DGKG: variants seen among roughly 807,000 people sequenced by gnomAD.
DGKG encodes the protein DAG kinase gamma.
A neutral mutation model predicts 105.3 loss-of-function variants in DGKG; 78 were observed. The ratio of observed to expected loss-of-function variants is 0.74; its 90% CI spans 0.62 to 0.89. The LOEUF (loss-of-function observed/expected upper bound fraction) is 0.89. Ranked by LOEUF, DGKG falls within the 40% of genes least tolerant of loss-of-function variation. The pLI is 0.00. For synonymous variants in DGKG, 346 were observed against 367.1 expected, an observed-to-expected ratio of 0.94 and a Z score of 0.66; for missense variants, 958 against 1,020.1, an observed-to-expected ratio of 0.94 and a Z score of 0.83.
intron 2 of DGKG, among the ~76,000 whole-genome samples, chr3:186,311,062 G>T (rs1724518299): frequency 6.6e-6 from 1 of 152,222 alleles, no homozygotes; most frequent in Non-Finnish European, 1.5e-5. Context: ...CTTCCTCTAT[G>T]AAAGTGGCTC....
chr3:186,225,529 T>G lies in DGKG; in HGVS notation c.1827-13644A>C, dbSNP rs377246070. On this transcript the variant is annotated intron_variant, in intron 20 of 24. Transcript: ENST00000265022. The stretch of plus-strand genomic sequence containing the variant: ...TGTGTTTATTTGGCTTGCATGGTGG[T>G]GTTTAAAATTGGAAAATTTTACATA... Among the ~76,000 whole-genome samples, 129 of 152,304 alleles carry G rather than the reference T, an allele frequency of 8.5e-4. 3 individuals carry two copies. The South Asian group carries it at 0.026, about 30-fold the overall frequency.
chr3:186,185,454 G>A (rs1169404984), intron 22 of DGKG, among the ~76,000 whole-genome samples: 1 of 152,160 alleles, frequency 6.6e-6, no homozygotes, highest in East Asian at 1.9e-4. Flanking sequence ...AAGATGTAAG[G>A]TCAGACATGT....
At position 186,271,548 on chromosome 3, in the gene DGKG, C is replaced by T. The variant is rs370576876; in HGVS notation, c.999+707G>A. Among the ~76,000 whole-genome samples the T allele has an allele frequency of 1.3e-4, 20 of 152,188 alleles. No homozygotes were observed. In the East Asian group the frequency reaches 2.3e-3, roughly 18 times the overall value. On this transcript the variant is annotated intron_variant, in intron 11 of 24. Coordinates refer to ENST00000265022, the MANE Select transcript of DGKG (RefSeq NM_001346.3). Reference sequence around the variant, plus strand: ...TTTCCCTCCCCTGATTTCTCTCCCACATCACACTCAGAGCTATTAACCTAA... The same window carrying T: ...TTTCCCTCCCCTGATTTCTCTCCCATATCACACTCAGAGCTATTAACCTAA...
intron 22 of DGKG, among the ~76,000 whole-genome samples, chr3:186,168,985 T>G (rs1344541582): frequency 6.6e-6 from 1 of 152,236 alleles, no homozygotes; most frequent in Non-Finnish European, 1.5e-5. Context: ...TCCTTGCTGC[T>G]TGATCCATTA....
At chr3:186,246,356 A>G (rs1353162554) in intron 19 of DGKG, among the ~76,000 whole-genome samples, 1 of 152,238 alleles carries the variant, frequency 6.6e-6, no homozygotes, top group Non-Finnish European at 1.5e-5. Context: ...TTATTGAGAC[A>G]TTAATTTTTT....
At chr3:186,229,985 C>T (rs569562591) in intron 20 of DGKG, among the ~76,000 whole-genome samples, 48 of 152,230 alleles carry the variant, frequency 3.2e-4, no homozygotes, top group Middle Eastern at 6.8e-3. Context: ...ATGGGCTGGG[C>T]GCGGTGGCTC....
intron 11 of DGKG, among the ~76,000 whole-genome samples, chr3:186,269,189 A>C (rs1722200795): frequency 6.6e-6 from 1 of 152,264 alleles, no homozygotes; most frequent in Non-Finnish European, 1.5e-5. Context: ...GCCTCTGAGC[A>C]GCATCTTGTC....
At chr3:186,261,909 C>T in intron 14 of DGKG, 131 bp from the exon 15 acceptor site, 2 of 613,246 alleles carry the variant, frequency 3.3e-6, no homozygotes, top group Non-Finnish European at 5.7e-6. Context: ...TGTTTTTCCA[C>T]TGGCTGAATT....
chr3:186,342,379 T>C (rs1046321728), intron 1 of DGKG, among the ~76,000 whole-genome samples: 2 of 152,158 alleles, frequency 1.3e-5, no homozygotes, highest in Non-Finnish European at 2.9e-5. Context: ...TTAGCCACTG[T>C]TATTCTGTCA....
chr3:186,255,974 T>C (rs929481462), intron 17 of DGKG, among the ~76,000 whole-genome samples: 1 of 152,232 alleles, frequency 6.6e-6, no homozygotes, highest in Admixed American at 6.5e-5. Flanking sequence ...TCTTTCTGTT[T>C]TGAGCAGCTT....
rs62289056 is a variant in DGKG at position 186,306,953 on chromosome 3, G to A, written c.92C>T (p.Ala31Val). 6 of 1,612,454 alleles carry A rather than the reference G, an allele frequency of 3.7e-6. No homozygotes were observed. The Admixed American group carries it at 5.0e-5, about 13-fold the overall frequency. The change falls in exon 3 of 25, where the codon GCC becomes GTC. Residue 31 changes from alanine (A) to valine (V), a missense_variant. Around this residue, in one of 2 missense-constraint regions of DGKG, gnomAD observed 643 missense variants for 619.5 expected, o/e 1.04. Transcript: ENST00000265022. ...SEYSSKKIKDALTEFNEGGSL... is the reference protein window; with the variant it reads ...SEYSSKKIKDVLTEFNEGGSL... ...CCCACCCTCATTAAATTCAGTCAAG[G>A]CATCTTTTATCTTCTTGGAGGAATC...
chr3:186,353,657 T>C (rs1378399226), intron 1 of DGKG, among the ~76,000 whole-genome samples: 1 of 38,574 alleles, frequency 2.6e-5, no homozygotes, highest in Non-Finnish European at 5.7e-5. Flanking sequence ...TATGTCTATG[T>C]CTATATCTAT....
At chr3:186,172,577 C>T (rs1272908653) in intron 22 of DGKG, among the ~76,000 whole-genome samples, 1 of 152,220 alleles carries the variant, frequency 6.6e-6, no homozygotes, top group Non-Finnish European at 1.5e-5. Context: ...ATTGTTTGGG[C>T]TGGAATCCTG....
chr3:186,250,735 A>T (rs1237706982), intron 19 of DGKG, among the ~76,000 whole-genome samples: 1 of 151,922 alleles, frequency 6.6e-6, no homozygotes, highest in Non-Finnish European at 1.5e-5. Flanking sequence ...TTTTTAGTAG[A>T]GATGGGGTTT....
At chr3:186,252,866 G>C (rs1457672366) in intron 18 of DGKG, among the ~76,000 whole-genome samples, 2 of 152,084 alleles carry the variant, frequency 1.3e-5, no homozygotes, top group Non-Finnish European at 2.9e-5. Context: ...AGTAAACTCG[G>C]GGCTGAGGGA....
At chr3:186,265,370 CA>C in intron 13 of DGKG, 64 bp from the exon 14 acceptor site, 1 of 1,481,500 alleles carries the variant, frequency 6.7e-7, no homozygotes, top group Non-Finnish European at 9.4e-7. Flanking sequence ...AGAAAGAGAT[CA>C]GATGAAAAAC....
chr3:186,332,227 T>C (rs1725638038), intron 1 of DGKG, among the ~76,000 whole-genome samples: 1 of 152,202 alleles, frequency 6.6e-6, no homozygotes, highest in South Asian at 2.1e-4. Context: ...ATATTAAACA[T>C]GAGCACAGAA....
chr3:186,320,083 C>T (rs1273498986), intron 2 of DGKG, among the ~76,000 whole-genome samples: 2 of 152,134 alleles, frequency 1.3e-5, no homozygotes, highest in Non-Finnish European at 2.9e-5. Context: ...GTGAGCTCAA[C>T]GGTGTAAAGC....
intron 1 of DGKG, among the ~76,000 whole-genome samples, chr3:186,335,067 C>T (rs1255819490): frequency 6.6e-6 from 1 of 152,066 alleles, no homozygotes; most frequent in African/African-American, 2.4e-5. Context: ...GTTGTAAGAC[C>T]TGGAGCCCTT....
Sources: gnomAD v4.1 joint callset for allele counts (sites outside exome capture counted in the v4.1 genomes callset) on GRCh38, gnomAD v4.1.1 for gene constraint, gnomAD v4.1.1 regional missense constraint, MANE v1.5 for transcripts, NCBI Gene and HGNC (gene_info 2026-07-23, HGNC 2026-07-21) for gene names.